Variants in ALDH6A1 observed in about 807,000 individuals in gnomAD.
The protein encoded by ALDH6A1 is methylmalonate-semialdehyde/malonate-semialdehyde dehydrogenase [acylating], mitochondrial.
A neutral mutation model predicts 62.6 loss-of-function variants in ALDH6A1; 43 were observed. That is an observed-to-expected ratio of 0.69 (90% CI 0.54 to 0.89). ALDH6A1 has a LOEUF of 0.89. ALDH6A1 is among the 40% of genes least tolerant of loss of function. The pLI is 0.00. For synonymous variants in ALDH6A1, 194 were observed against 234.2 expected (o/e 0.83, Z 1.57); for missense variants, 551 against 661.3 (o/e 0.83, Z 1.83).
chr14:74,066,494 G>T (rs1381234825), intron 9 of ALDH6A1, among the ~76,000 whole-genome samples: 1 of 152,106 alleles, frequency 6.6e-6, no homozygotes, highest in Non-Finnish European at 1.5e-5. Flanking sequence ...TCCCTTTATG[G>T]AAAGTCTGCA....
At chr14:74,061,462 C>T (rs1432531546) in intron 11 of ALDH6A1, among the ~76,000 whole-genome samples, 1 of 151,992 alleles carries the variant, frequency 6.6e-6, no homozygotes, top group Non-Finnish European at 1.5e-5. Flanking sequence ...CCACCATGCC[C>T]AGCTATTTTT....
In ALDH6A1 at chr14:74,056,978, T is replaced by C. The variant is rs368910865; in HGVS notation, c.*3664A>G. On this transcript the variant is annotated 3_prime_UTR_variant, in exon 12 of 12. Coordinates refer to ENST00000553458, the MANE Select transcript of ALDH6A1 (RefSeq NM_005589.4). ...CTGACAGTGGGGAAACAAAGGAATT[T>C]GGGTAAGAGCTCTCTTGCTTAAGTA... 4 of 1,612,980 alleles carry C rather than the reference T, an allele frequency of 2.5e-6. No homozygotes were observed. Among genetic ancestry groups the C allele is most frequent in the African/African-American group, 1.3e-5 (1 of 74,860 alleles).
intron 6 of ALDH6A1, among the ~76,000 whole-genome samples, chr14:74,069,793 CTT>C (rs1227317561): frequency 6.6e-6 from 1 of 150,614 alleles, no homozygotes; most frequent in Non-Finnish European, 1.5e-5. Flanking sequence ...TATTTAGTCT[CTT>C]TCCTTTCATG....
intron 6 of ALDH6A1, 120 bp from the exon 7 acceptor site, chr14:74,069,101 C>CA (rs2060513189): frequency 1.1e-5 from 5 of 461,988 alleles, no homozygotes; most frequent in Non-Finnish European, 9.9e-6. Context: ...TTTACTTTTT[C>CA]TTTTTTTTTT....
chr14:74,076,117 G>T (rs1333487170), intron 1 of ALDH6A1, among the ~76,000 whole-genome samples: 1 of 152,180 alleles, frequency 6.6e-6, no homozygotes. Flanking sequence ...TATGTTGATT[G>T]TGATGCTATT....
Position 74,064,920 on chromosome 14 carries a change from C to T in ALDH6A1, c.1405G>A (p.Val469Met), listed in dbSNP as rs1268635391. The change falls in exon 11 of 12, where the codon GTG (valine) becomes ATG (methionine). Residue 469 changes from valine (V) to methionine (M), a missense_variant and splice_region_variant. Transcript: ENST00000553458. ...KYAHLVDVGQ[V>M]GVNVPIPVPL... ...ACTGGAATGGGGACATTCACTCCCA[C>T]CTAAAACAGAACAAATCCGTGTCAT... 6.2e-7 allele frequency: 1 copy of T among 1,613,114 alleles called. No individual in the cohort carries two copies.
rs10143305 is a variant in ALDH6A1 at position 74,068,253 on chromosome 14, C to A, written c.852+607G>T. ...AATTAGCTGGGTGTGGTGGTAGGCA[C>A]CTGTAATCCCAGCTACTCAGGAGGC... On this transcript the variant is annotated intron_variant, in intron 7 of 11. Coordinates refer to ENST00000553458, the MANE Select transcript of ALDH6A1 (RefSeq NM_005589.4). Among the ~76,000 whole-genome samples the A allele has an allele frequency of 7.2e-3, 1,090 of 151,682 alleles. 14 individuals carry two copies. The highest frequency in any genetic ancestry group is 0.025 in the African/African-American group (1,037 of 41,326).
chr14:74,073,340 A>G (rs1227203078), intron 2 of ALDH6A1, among the ~76,000 whole-genome samples: 1 of 151,366 alleles, frequency 6.6e-6, no homozygotes, highest in African/African-American at 2.4e-5. Context: ...CCTGGGCTCA[A>G]GTGATCCACC....
intron 11 of ALDH6A1, among the ~76,000 whole-genome samples, chr14:74,064,375 A>G (rs530094219): frequency 6.6e-6 from 1 of 152,204 alleles, no homozygotes; most frequent in Non-Finnish European, 1.5e-5. Context: ...ATTTTTTGTA[A>G]ATGAATAACT....
chr14:74,069,131 G>A (rs2060514696), intron 6 of ALDH6A1, 150 bp from the exon 7 acceptor site: 1 of 792,510 alleles, frequency 1.3e-6, no homozygotes, highest in East Asian at 3.4e-5. Context: ...TTGAGACGGA[G>A]TCTCGCTCTG....
intron 1 of ALDH6A1, among the ~76,000 whole-genome samples, chr14:74,076,141 A>G (rs1290727899): frequency 2.0e-5 from 3 of 152,220 alleles, no homozygotes; most frequent in African/African-American, 7.2e-5. Context: ...ACAGGTGTAT[A>G]CAAATGTTAA....
chr14:74,072,071 A>G (rs2060557286), intron 4 of ALDH6A1, 97 bp from the exon 5 acceptor site: 1 of 1,562,400 alleles, frequency 6.4e-7, no homozygotes, highest in South Asian at 1.1e-5. Flanking sequence ...GAGATGCAGT[A>G]CAAGGGAGAG....
chr14:74,076,762 C>G (rs930327926), intron 1 of ALDH6A1, among the ~76,000 whole-genome samples: 1 of 152,126 alleles, frequency 6.6e-6, no homozygotes, highest in Admixed American at 6.6e-5. Flanking sequence ...GTTGGCCTGG[C>G]TGGTCTCAAA....
Position 74,065,307 on chromosome 14 carries a change from C to G in ALDH6A1, c.1278G>C (p.Leu426=), listed in dbSNP as rs745643331. ...TGGCTTCATCCAATGTTTCTGTCTC[C>G]AGAACCACAAGAACTGGACCAAAAA... The part of the protein sequence containing the change: ...EEIFGPVLVV[L]ETETLDEAIQ... The change falls in exon 10 of 12, where the codon CTG becomes CTC. Residue 426 remains leucine, a synonymous_variant. Transcript: ENST00000553458. The G allele has an allele frequency of 6.2e-7, 1 of 1,614,082 alleles. No individual in the cohort carries two copies. The highest frequency in any genetic ancestry group is 1.1e-5 in the South Asian group (1 of 91,080).
chr14:74,064,272 T>G (rs1284205703), intron 11 of ALDH6A1, among the ~76,000 whole-genome samples: 1 of 147,214 alleles, frequency 6.8e-6, no homozygotes, highest in Admixed American at 6.9e-5. Flanking sequence ...CACTCCAGCC[T>G]GGGCAACAGA....
intron 7 of ALDH6A1, 66 bp from the exon 8 acceptor site, chr14:74,067,635 G>T: frequency 6.4e-7 from 1 of 1,551,310 alleles, no homozygotes. Context: ...AAGAAATTAA[G>T]CAGTGGACCA....
rs775858979 is a variant in ALDH6A1 at position 74,072,577 on chromosome 14, A to G, written c.146T>C (p.Val49Ala). The G allele has an allele frequency of 1.8e-5, 29 of 1,614,026 alleles. No individual in the cohort carries two copies. The highest frequency in any genetic ancestry group is 2.4e-5 in the Non-Finnish European group (28 of 1,180,048). Residue 49 changes from valine to alanine, a missense_variant, in exon 3 of 12, where the codon GTT becomes GCT. Transcript: ENST00000553458. ...TVKLFIGGKF[V>A]ESKSDKWIDI... ...GATCCATTTGTCACTTTTGGATTCA[A>G]CGAATTTCCCACCAATGAAGAGCTT...
At chr14:74,066,109 C>T (rs898550625) in intron 9 of ALDH6A1, 10 of 153,962 alleles carry the variant, frequency 6.5e-5, no homozygotes, top group African/African-American at 2.4e-4. Context: ...TTGTCACTTT[C>T]AATAAATATT....
intron 2 of ALDH6A1, among the ~76,000 whole-genome samples, chr14:74,073,325 G>A (rs928432295): frequency 2.0e-5 from 3 of 151,784 alleles, no homozygotes; most frequent in East Asian, 3.9e-4. Flanking sequence ...GGCTGGTCTC[G>A]AACTCCTGGG....
Sources: allele counts gnomAD v4.1 joint callset (sites outside exome capture counted in the v4.1 genomes callset), GRCh38; gene constraint gnomAD v4.1.1; transcripts MANE v1.5; gene names NCBI Gene and HGNC (gene_info 2026-07-23, HGNC 2026-07-21).